The following TRABD2B variants were observed in gnomAD, a reference collection of about 807,000 sequenced individuals.
The protein encoded by TRABD2B is TraB domain containing 2B, also known as metalloprotease TIKI2.
In TRABD2B, 14 loss-of-function variants were observed where a neutral mutation model predicts 40.1. The observed-to-expected ratio is 0.35, with a 90% CI of 0.23 to 0.55. The LOEUF is 0.55. Ranked by LOEUF, TRABD2B falls within the 20% of genes least tolerant of loss-of-function variation. The pLI, the probability that TRABD2B is intolerant of heterozygous loss-of-function variation, is 0.90. For synonymous variants in TRABD2B, 263 were observed against 277.0 expected (o/e 0.95, Z 0.50); for missense variants, 541 against 648.6 (o/e 0.83, Z 1.80).
intron 2 of TRABD2B, among the ~76,000 whole-genome samples, chr1:47,892,854 T>C (rs2124656406): frequency 6.6e-6 from 1 of 152,310 alleles, no homozygotes; most frequent in South Asian, 2.1e-4. Flanking sequence ...GCCAGCACCA[T>C]GAAACAGCAG....
chr1:47,937,000 C>A lies in TRABD2B; in HGVS notation c.666+57034G>T, dbSNP rs898872694. Among the ~76,000 whole-genome samples the A allele has an allele frequency of 2.1e-5, 3 of 146,220 alleles. No individual in the cohort carries two copies. In the East Asian group the frequency reaches 6.4e-4, roughly 31 times the overall value. On this transcript the variant is annotated intron_variant, in intron 2 of 6. Coordinates refer to ENST00000606738, the MANE Select transcript of TRABD2B (RefSeq NM_001194986.2). ...ATCACCACCACCATCATGATCACCACCATCACCATCATCACCACTACCATG... is the reference window on the plus strand; with the variant it reads ...ATCACCACCACCATCATGATCACCAACATCACCATCATCACCACTACCATG...
At chr1:47,979,266 C>T (rs1255936626) in intron 2 of TRABD2B, among the ~76,000 whole-genome samples, 2 of 152,168 alleles carry the variant, frequency 1.3e-5, no homozygotes, top group Non-Finnish European at 2.9e-5. Flanking sequence ...TTTACAGCTA[C>T]ACACAGGGTC....
chr1:47,985,543 AG>A (rs1645907995), intron 2 of TRABD2B, among the ~76,000 whole-genome samples: 1 of 152,226 alleles, frequency 6.6e-6, no homozygotes, highest in South Asian at 2.1e-4. Context: ...ACAGGTGCAA[AG>A]GCAGAGACCA....
At chr1:47,944,575 T>A (rs1645234379) in intron 2 of TRABD2B, among the ~76,000 whole-genome samples, 1 of 152,052 alleles carries the variant, frequency 6.6e-6, no homozygotes, top group Admixed American at 6.5e-5. Flanking sequence ...GGAAGAAGGA[T>A]CAGGTAGGAA....
chr1:47,892,784 C>A (rs1644465741), intron 2 of TRABD2B, among the ~76,000 whole-genome samples: 1 of 152,192 alleles, frequency 6.6e-6, no homozygotes, highest in South Asian at 2.1e-4. Flanking sequence ...GAATGTATCA[C>A]ACACTGGAGG....
intron 2 of TRABD2B, among the ~76,000 whole-genome samples, chr1:47,960,252 C>A (rs1328964442): frequency 1.3e-5 from 2 of 152,166 alleles, no homozygotes; most frequent in South Asian, 4.1e-4. Flanking sequence ...ACCCACAGCC[C>A]ATATCATACT....
chr1:47,851,806 T>C (rs1295448118), intron 2 of TRABD2B, among the ~76,000 whole-genome samples: 1 of 152,218 alleles, frequency 6.6e-6, no homozygotes, highest in Non-Finnish European at 1.5e-5. Flanking sequence ...GGCCTTCCCA[T>C]TGGTTCTGTG....
chr1:47,966,476 C>T (rs937731089), intron 2 of TRABD2B, among the ~76,000 whole-genome samples: 2 of 152,160 alleles, frequency 1.3e-5, no homozygotes, highest in Admixed American at 1.3e-4. Flanking sequence ...AGACTGCCTG[C>T]TGAGTACATG....
At chr1:47,986,309 G>A (rs1304971843) in intron 2 of TRABD2B, among the ~76,000 whole-genome samples, 1 of 152,188 alleles carries the variant, frequency 6.6e-6, no homozygotes, top group East Asian at 1.9e-4. Context: ...AGAAGTTTCT[G>A]AGAATTAGAG....
intron 2 of TRABD2B, among the ~76,000 whole-genome samples, chr1:47,916,013 C>T (rs1235585623): frequency 6.6e-6 from 1 of 152,082 alleles, no homozygotes; most frequent in East Asian, 1.9e-4. Context: ...AGGAAAAAGC[C>T]TTTTCTGCAG....
chr1:47,845,157 T>C (rs560688465), intron 2 of TRABD2B, among the ~76,000 whole-genome samples: 1 of 152,246 alleles, frequency 6.6e-6, no homozygotes, highest in Non-Finnish European at 1.5e-5. Flanking sequence ...GCCTTGCCCC[T>C]TCCACCTCCA....
At chr1:47,778,346 G>A (rs1644474981) in intron 5 of TRABD2B, 108 bp downstream of exon 5, 1 of 797,186 alleles carries the variant, frequency 1.3e-6, no homozygotes, top group African/African-American at 1.7e-5. Flanking sequence ...CTTGCTTCCT[G>A]GTAGAGACCT....
At chr1:47,803,478 C>T (rs1385794594) in intron 2 of TRABD2B, among the ~76,000 whole-genome samples, 1 of 152,194 alleles carries the variant, frequency 6.6e-6, no homozygotes, top group Non-Finnish European at 1.5e-5. Flanking sequence ...CCAGCGAAGG[C>T]CATCCTCCAC....
rs1040672201 is a variant in TRABD2B, at chr1:47,996,418, G to A, written c.102+270C>T. 6.6e-6 allele frequency among the ~76,000 whole-genome samples: 1 copy of A among 152,072 alleles called. No individual in the cohort carries two copies. The highest frequency in any genetic ancestry group is 2.4e-5 in the African/African-American group (1 of 41,416). ...GACAAAAAGGGGCAGAGAGAGAGGA[G>A]GCGTCCAAGCAGGACCACAAGTCAA... On this transcript the variant is annotated intron_variant, in intron 1 of 6. Transcript: ENST00000606738. This position sits in a 1 kb window ranked among gnomAD's most constrained non-coding sequence, Gnocchi z 4.6.
intron 6 of TRABD2B, among the ~76,000 whole-genome samples, chr1:47,766,316 T>C (rs1644302877): frequency 1.3e-5 from 2 of 152,120 alleles, no homozygotes; most frequent in Non-Finnish European, 2.9e-5. Flanking sequence ...TTTGCCGGGC[T>C]CTGGGGGATG....
chr1:47,978,479 G>T lies in TRABD2B; in HGVS notation c.666+15555C>A, dbSNP rs976381014. 2.0e-5 allele frequency among the ~76,000 whole-genome samples: 3 copies of T among 152,204 alleles called. No homozygotes were observed. In the South Asian group the frequency reaches 6.2e-4, roughly 32 times the overall value. The stretch of plus-strand genomic sequence containing the variant: ...AGGTGCGAGGCCAACTGCCAAAACC[G>T]GAAACAAGGCAACCCAGCACAGGCC... On this transcript the variant is annotated intron_variant, in intron 2 of 6. Coordinates refer to ENST00000606738, the MANE Select transcript of TRABD2B (RefSeq NM_001194986.2).
chr1:47,860,432 G>A (rs1643950388), intron 2 of TRABD2B, among the ~76,000 whole-genome samples: 2 of 152,046 alleles, frequency 1.3e-5, no homozygotes, highest in African/African-American at 4.8e-5. Flanking sequence ...GTGTCTCCTG[G>A]CATAGGACTG....
Position 47,994,016 on chromosome 1 carries a change from G to A in TRABD2B, c.666+18C>T. ...TACCCAGGGCTGTCAGCTCCGGGCTGGGGCACTGCATGCCTACCTGGGAGA... is the reference window on the plus strand; with the variant it reads ...TACCCAGGGCTGTCAGCTCCGGGCTAGGGCACTGCATGCCTACCTGGGAGA... On this transcript the variant is annotated intron_variant, in intron 2 of 6. Coordinates refer to ENST00000606738, the MANE Select transcript of TRABD2B (RefSeq NM_001194986.2). This position sits in a 1 kb window ranked among gnomAD's most constrained non-coding sequence, Gnocchi z 6.7. 5.9e-6 allele frequency: 9 copies of A among 1,527,810 alleles called. No individual in the cohort carries two copies. Among genetic ancestry groups the A allele is most frequent in the Non-Finnish European group, 7.9e-6 (9 of 1,141,056 alleles). The allele number at this position is 1,527,810 out of a possible 1,614,324, so 94.6% of individuals were successfully genotyped here.
rs1288926878 is a variant in TRABD2B, at chr1:47,765,844, G to A, written c.*58C>T. On this transcript the variant is annotated 3_prime_UTR_variant, in exon 7 of 7. Transcript: ENST00000606738. ...CTGGAGGTGGTGGCAGGAGCAGTTG[G>A]GTGTGGCCGAAGACCCCTGTGTCAT... The A allele has an allele frequency of 1.4e-6, 1 of 702,752 alleles. No individual in the cohort carries two copies. The highest frequency in any genetic ancestry group is 2.6e-6 in the Non-Finnish European group (1 of 384,938). The allele number at this position is 702,752 out of a possible 1,614,324, so 43.5% of individuals were successfully genotyped here.
Sources: gnomAD v4.1 joint callset for allele counts (sites outside exome capture counted in the v4.1 genomes callset) on GRCh38, gnomAD v4.1.1 for gene constraint, Gnocchi (gnomAD v3.1) non-coding constraint, MANE v1.5 for transcripts, NCBI Gene and HGNC (gene_info 2026-07-23, HGNC 2026-07-21) for gene names.